Variants in EIF2D observed in about 807,000 individuals in gnomAD.
EIF2D encodes the protein hepatocellular carcinoma-associated antigen 56.
Under a neutral mutation model 77.4 loss-of-function variants are expected in EIF2D, and 56 were observed. The ratio of observed to expected loss-of-function variants is 0.72; its 90% CI spans 0.58 to 0.90. The LOEUF is 0.90. Among genes scored for constraint, EIF2D ranks in the 40% least tolerant of loss-of-function variants. The pLI is 0.00. For missense variants in EIF2D, 574 were observed against 706.5 expected, an observed-to-expected ratio of 0.81 and a Z score of 2.13; for synonymous variants, 230 against 271.0, an observed-to-expected ratio of 0.85 and a Z score of 1.49.
chr1:206,573,357 G>T (rs1668519598), intron 4 of EIF2D, among the ~76,000 whole-genome samples: 1 of 152,198 alleles, frequency 6.6e-6, no homozygotes, highest in Non-Finnish European at 1.5e-5. Context: ...ACCATGTAGT[G>T]AGTAATAGGA....
chr1:206,591,018 G>C (rs1306573970), downstream of EIF2D, among the ~76,000 whole-genome samples: 1 of 152,158 alleles, frequency 6.6e-6, no homozygotes, highest in African/African-American at 2.4e-5. Context: ...GAAAATGATC[G>C]TACAAAATCT....
downstream of EIF2D, among the ~76,000 whole-genome samples, chr1:206,589,880 T>G (rs1421278598): frequency 1.3e-5 from 2 of 152,212 alleles, no homozygotes; most frequent in East Asian, 3.9e-4. Context: ...AATGAATGAA[T>G]GTCCAACAAG....
chr1:206,599,041 G>A lies in EIF2D; in HGVS notation c.1254C>T (p.Tyr418=), dbSNP rs782366815. ...GSEVRTIVIN[Y]AKKNDLVDAD... is the part of the protein sequence containing the mutation. ...CATCAACCAGGTCATTTTTCTTGGCGTAGTTAATGACGATCGTTCGGACCT... is the reference window on the plus strand; with the variant it reads ...CATCAACCAGGTCATTTTTCTTGGCATAGTTAATGACGATCGTTCGGACCT... The change falls in exon 11 of 15, where the codon TAC becomes TAT. Residue 418 remains tyrosine (Y), a synonymous_variant. Transcript: ENST00000271764. This position sits in a 1 kb window ranked among gnomAD's most constrained non-coding sequence, Gnocchi z 4.1. The A allele has an allele frequency of 9.3e-6, 15 of 1,614,006 alleles. No homozygotes were observed. The highest frequency in any genetic ancestry group is 6.7e-5 in the Admixed American group (4 of 60,002).
intron 2 of EIF2D, among the ~76,000 whole-genome samples, chr1:206,582,589 G>A (rs1275688943): frequency 1.3e-5 from 2 of 152,212 alleles, no homozygotes; most frequent in East Asian, 1.9e-4. Flanking sequence ...GTGCCCAGTA[G>A]CGGTTTATCT....
At chr1:206,590,393 G>A (rs973770454), downstream of EIF2D, among the ~76,000 whole-genome samples, 14 of 152,300 alleles carry the variant, frequency 9.2e-5, no homozygotes, top group South Asian at 2.1e-4. Context: ...TCAAGATCGT[G>A]CAAAACAAAT....
chr1:206,586,073 C>G (rs1669099151), intron 2 of EIF2D: 1 of 152,272 alleles, frequency 6.6e-6, no homozygotes, highest in South Asian at 2.1e-4. Context: ...GGCTCTAGTT[C>G]CAGTTCTGCT....
Position 206,603,025 on chromosome 1 carries a change from G to T in EIF2D, c.710C>A (p.Ser237Tyr). 6.2e-7 allele frequency: 1 copy of T among 1,614,176 alleles called. No homozygotes were observed. Among genetic ancestry groups the T allele is most frequent in the Non-Finnish European group, 8.5e-7 (1 of 1,180,036 alleles). The change falls in exon 6 of 15, where the codon TCT becomes TAT. Residue 237 changes from serine to tyrosine, a missense_variant. Physicochemically the swap from Ser to Tyr is moderately radical, Grantham distance 144 (BLOSUM62 -2). Transcript: ENST00000271764. The part of the protein sequence containing the change: ...GEVHQAREDK[S>Y]LSEAPEDTST... ...GGTGTCTTCTGGGGCTTCTGAGAGA[G>T]ACTTGTCTTCACGTGCCTGGTGAAC...
intron 4 of EIF2D, among the ~76,000 whole-genome samples, chr1:206,578,530 G>A (rs1286936014): frequency 2.0e-5 from 3 of 152,130 alleles, no homozygotes; most frequent in Non-Finnish European, 4.4e-5. Flanking sequence ...GACTTCTGAT[G>A]GGCAAACAGG....
In EIF2D at chr1:206,599,193, A is replaced by G. The variant is rs113337894; in HGVS notation, c.1203-101T>C. The G allele has an allele frequency of 1.6e-3, 1,853 of 1,164,802 alleles. 24 individuals are homozygous for G. In the African/African-American group the frequency reaches 0.025, roughly 16 times the overall value. The allele number at this position is 1,164,802 out of a possible 1,614,324, so 72.2% of individuals were successfully genotyped here. ...CCCTGCTGAGCAGGGAACTTTCCTT[A>G]GCTTTCGGCCTCTAGTTTCTTCCCT... On this transcript the variant is annotated intron_variant, in intron 10 of 14. Coordinates refer to ENST00000271764, the MANE Select transcript of EIF2D (RefSeq NM_006893.3). This position sits in a 1 kb window ranked among gnomAD's most constrained non-coding sequence, Gnocchi z 4.1.
chr1:206,594,063 T>C (rs1553409581), intron 13 of EIF2D: 7 of 266,812 alleles, frequency 2.6e-5, no homozygotes, highest in Admixed American at 2.6e-4. Context: ...AAGTTTTATT[T>C]GGAGAATTCA....
At chr1:206,609,592 G>A in intron 2 of EIF2D, 133 bp from the exon 3 acceptor site, 1 of 661,158 alleles carries the variant, frequency 1.5e-6, no homozygotes, top group South Asian at 2.4e-5. Context: ...AGAGAAGGTT[G>A]TAAGGGGATG....
chr1:206,585,029 G>A (rs1669053680), intron 2 of EIF2D: 2 of 669,508 alleles, frequency 3.0e-6, no homozygotes, highest in Admixed American at 2.4e-5. Flanking sequence ...TTATTGCCCT[G>A]TTCATTACTG....
At position 206,599,900 on chromosome 1, in the gene EIF2D, G is replaced by T; in HGVS notation, c.949-64C>A. The T allele has an allele frequency of 3.4e-6, 5 of 1,478,146 alleles. No homozygotes were observed. The highest frequency in any genetic ancestry group is 4.7e-6 in the Non-Finnish European group (5 of 1,062,294). 91.6% of individuals were successfully genotyped at this position (1,478,146 alleles called of 1,614,324 possible). A position where few individuals can be genotyped will look rare whatever the true frequency, so the allele number is the denominator to read the frequency against. On this transcript the variant is annotated intron_variant, in intron 8 of 14. Coordinates refer to ENST00000271764, the MANE Select transcript of EIF2D (RefSeq NM_006893.3). This position sits in a 1 kb window ranked among gnomAD's most constrained non-coding sequence, Gnocchi z 4.1. Reference sequence around the variant, plus strand: ...TTCCACACACATACTGAGCACCCAGGATGTGCCAGAGTGAGCTAGGCAGGG... The same window carrying T: ...TTCCACACACATACTGAGCACCCAGTATGTGCCAGAGTGAGCTAGGCAGGG...
At chr1:206,586,305 G>C (rs4073393) in intron 2 of EIF2D, 27,332 of 155,756 alleles carry the variant, frequency 0.18, 2,485 homozygotes, top group East Asian at 0.27. Flanking sequence ...TTTAGGGGTA[G>C]GCCTGGGCCA....
downstream of EIF2D, chr1:206,587,023 A>G (rs370392114): frequency 6.3e-5 from 101 of 1,602,564 alleles, no homozygotes; most frequent in Non-Finnish European, 8.2e-5. Flanking sequence ...ATTTATTTGT[A>G]TTATTAATTA....
chr1:206,604,973 T>G (rs1553412349), intron 5 of EIF2D: 1 of 152,992 alleles, frequency 6.5e-6, no homozygotes, highest in African/African-American at 2.4e-5. Flanking sequence ...ATGTGAAATC[T>G]GAATAACATA....
intron 2 of EIF2D, among the ~76,000 whole-genome samples, chr1:206,583,898 A>G (rs1045526291): frequency 1.3e-5 from 2 of 152,224 alleles, no homozygotes; most frequent in Non-Finnish European, 2.9e-5. Flanking sequence ...GGGTTCAGCC[A>G]GATGGAGCAC....
intron 11 of EIF2D, among the ~76,000 whole-genome samples, chr1:206,598,648 T>C (rs1669767007): frequency 6.6e-6 from 1 of 151,744 alleles, no homozygotes; most frequent in Non-Finnish European, 1.5e-5. Flanking sequence ...ATGCACCCCA[T>C]AAATATGTAC....
Position 206,584,713 on chromosome 1 carries a change from C to T in EIF2D, c.139-3551G>A, listed in dbSNP as rs1324671745. 3.7e-6 allele frequency: 6 copies of T among 1,612,360 alleles called. No individual in the cohort carries two copies. Among genetic ancestry groups the T allele is most frequent in the South Asian group, 2.2e-5 (2 of 90,970 alleles). ...GGAGAAAGAGTGAACCCAACCAGAC[C>T]GTTCCCTTCCTACCTGTGTCCAAGC... On this transcript the variant is annotated intron_variant and NMD_transcript_variant, in intron 2 of 5. Transcript: ENST00000472709. This position sits in a 1 kb window ranked among gnomAD's most constrained non-coding sequence, Gnocchi z 4.9.
Sources: allele counts gnomAD v4.1 joint callset (sites outside exome capture counted in the v4.1 genomes callset), GRCh38; gene constraint gnomAD v4.1.1; non-coding constraint Gnocchi (gnomAD v3.1); transcripts MANE v1.5; gene names NCBI Gene and HGNC (gene_info 2026-07-23, HGNC 2026-07-21).